The following IFTAP variants were observed in gnomAD, a reference collection of about 807,000 sequenced individuals.
The protein encoded by IFTAP is intraflagellar transport-associated protein.
IFTAP carries 19 observed loss-of-function variants against 19.4 expected under a neutral mutation model. The observed-to-expected ratio is 0.98, with a 90% CI of 0.68 to 1.44. IFTAP has a LOEUF of 1.44. Among genes scored for constraint, IFTAP ranks in the 40% most tolerant of loss-of-function variants. The pLI is 0.00. For synonymous variants in IFTAP, 85 were observed against 83.5 expected, an observed-to-expected ratio of 1.02 and a Z score of -0.10; for missense variants, 240 against 253.6, an observed-to-expected ratio of 0.95 and a Z score of 0.36.
chr11:36,598,532 T>C (rs573359944), intron 1 of IFTAP, among the ~76,000 whole-genome samples: 2 of 152,306 alleles, frequency 1.3e-5, no homozygotes, highest in African/African-American at 4.8e-5. Context: ...AATGAGAAAG[T>C]ATTTGTCCTG....
At chr11:36,632,720 T>C (rs1358805680) in intron 2 of IFTAP, among the ~76,000 whole-genome samples, 1 of 151,306 alleles carries the variant, frequency 6.6e-6, no homozygotes, top group Non-Finnish European at 1.5e-5. Context: ...TAAAATTACA[T>C]GGAATATTCA....
intron 4 of IFTAP, among the ~76,000 whole-genome samples, chr11:36,644,096 T>A (rs760355774): frequency 1.9e-4 from 29 of 152,228 alleles, no homozygotes; most frequent in Non-Finnish European, 3.2e-4. Context: ...TGCAATCTAC[T>A]CAACTGACAA....
intron 5 of IFTAP, among the ~76,000 whole-genome samples, chr11:36,653,998 C>A (rs1404611575): frequency 6.6e-6 from 1 of 152,046 alleles, no homozygotes. Context: ...CTTTCCTATC[C>A]TTAACAAAAT....
At position 36,633,317 on chromosome 11, in the gene IFTAP, C is replaced by A; in HGVS notation, c.170C>A (p.Thr57Asn). The A allele has an allele frequency of 1.3e-6, 2 of 1,597,724 alleles. No individual in the cohort carries two copies. Among genetic ancestry groups the A allele is most frequent in the Non-Finnish European group, 1.7e-6 (2 of 1,172,982 alleles). ...GTGTCCAAAAGGGGAGTGTTTGGAACTGATTCTTCAGAAAACATTTTTACC... is the reference window on the plus strand; with the variant it reads ...GTGTCCAAAAGGGGAGTGTTTGGAAATGATTCTTCAGAAAACATTTTTACC... ...DHVSKRGVFG[T>N]DSSENIFTSA... is the part of the protein sequence containing the mutation. The change falls in exon 3 of 6, where the codon ACT (threonine) becomes AAT (asparagine). Residue 57 changes from threonine (T) to asparagine (N), a missense_variant. Transcript: ENST00000334307.
intron 2 of IFTAP, among the ~76,000 whole-genome samples, chr11:36,631,582 A>C (rs780772290): frequency 6.6e-6 from 1 of 151,208 alleles, no homozygotes; most frequent in Non-Finnish European, 1.5e-5. Flanking sequence ...ATGCACTGAC[A>C]GGTCAAGAGA....
intron 2 of IFTAP, among the ~76,000 whole-genome samples, chr11:36,624,927 T>G (rs746934611): frequency 6.6e-6 from 1 of 152,190 alleles, no homozygotes; most frequent in Admixed American, 6.5e-5. Context: ...GTTGTTACTT[T>G]AGGTGTCTTT....
At chr11:36,632,171 G>A (rs1011138929) in intron 2 of IFTAP, among the ~76,000 whole-genome samples, 3 of 151,130 alleles carry the variant, frequency 2.0e-5, no homozygotes, top group South Asian at 4.1e-4. Context: ...GATAGTAACA[G>A]TGTCTACTTT....
At chr11:36,596,995 CT>C in intron 1 of IFTAP, among the ~76,000 whole-genome samples, 1 of 152,092 alleles carries the variant, frequency 6.6e-6, no homozygotes, top group East Asian at 1.9e-4. Flanking sequence ...TGATGCTCTG[CT>C]TTTGGCTCAT....
At chr11:36,637,885 C>CT (rs11322653) in intron 4 of IFTAP, among the ~76,000 whole-genome samples, 1,739 of 145,764 alleles carry the variant, frequency 0.012, 20 homozygotes, top group Non-Finnish European at 0.016. Flanking sequence ...TTATGTCAAT[C>CT]TTTTTTTTTT....
chr11:36,604,019 A>G lies in IFTAP; in HGVS notation c.-23-6062A>G, dbSNP rs185563811. On this transcript the variant is annotated intron_variant, in intron 1 of 5. Transcript: ENST00000334307. ...GGCATCCTTTGTGCTATCTTTGTTT[A>G]TAATCTGAACCCACATTTTAAAAAT... is the stretch of plus-strand genomic sequence containing the variant. Among the ~76,000 whole-genome samples, 103 of 152,096 alleles carry G rather than the reference A, an allele frequency of 6.8e-4. 3 individuals carry two copies. The South Asian group carries it at 0.012, about 18-fold the overall frequency.
At chr11:36,658,493 G>A (rs1854089398) in intron 5 of IFTAP, among the ~76,000 whole-genome samples, 1 of 152,088 alleles carries the variant, frequency 6.6e-6, no homozygotes, top group African/African-American at 2.4e-5. Flanking sequence ...TTTAAAATAT[G>A]TTTCAAGTTT....
intron 4 of IFTAP, among the ~76,000 whole-genome samples, chr11:36,639,267 T>A (rs76522701): frequency 3.3e-5 from 5 of 151,904 alleles, no homozygotes; most frequent in African/African-American, 7.3e-5. Flanking sequence ...TTTTTTTTTT[T>A]AATCTACTTC....
At chr11:36,649,147 G>A (rs1853605448) in intron 5 of IFTAP, among the ~76,000 whole-genome samples, 1 of 152,068 alleles carries the variant, frequency 6.6e-6, no homozygotes, top group African/African-American at 2.4e-5. Context: ...TTAATCATGA[G>A]GTACTAGTCT....
chr11:36,624,559 G>A (rs539599233), intron 2 of IFTAP, among the ~76,000 whole-genome samples: 2 of 152,248 alleles, frequency 1.3e-5, no homozygotes, highest in Non-Finnish European at 2.9e-5. Context: ...GTCATTTCAT[G>A]GAACAAAGCC....
chr11:36,605,759 G>A (rs1199069863), intron 1 of IFTAP, among the ~76,000 whole-genome samples: 1 of 152,100 alleles, frequency 6.6e-6, no homozygotes, highest in Non-Finnish European at 1.5e-5. Context: ...TGATTTACCA[G>A]CAGATATTTA....
rs1403908307 is a variant in IFTAP, at chr11:36,633,287, A to G, written c.140A>G (p.Asp47Gly). Residue 47 changes from aspartate to glycine, a missense_variant, in exon 3 of 6, where the codon GAT becomes GGT. Transcript: ENST00000334307. ...AGTGCATAACTTCTTATTTCAGAGG[A>G]TCATGTGTCCAAAAGGGGAGTGTTT... ...LNTFTHLSQE[D>G]HVSKRGVFGT... The G allele has an allele frequency of 1.3e-6, 2 of 1,541,478 alleles. No homozygotes were observed. Among genetic ancestry groups the G allele is most frequent in the Non-Finnish European group, 1.7e-6 (2 of 1,148,494 alleles).
chr11:36,633,515 T>A, intron 3 of IFTAP, 77 bp downstream of exon 3: 1 of 1,158,104 alleles, frequency 8.6e-7, no homozygotes, highest in Non-Finnish European at 1.2e-6. Flanking sequence ...AAAGAGACCC[T>A]ACTAAACACT....
chr11:36,633,664 C>G (rs1852815761), intron 3 of IFTAP, among the ~76,000 whole-genome samples: 1 of 152,020 alleles, frequency 6.6e-6, no homozygotes, highest in Admixed American at 6.6e-5. Context: ...AATTTTTGTT[C>G]AAAAGTTCTT....
At chr11:36,604,309 T>C (rs1050647000) in intron 1 of IFTAP, among the ~76,000 whole-genome samples, 1 of 152,180 alleles carries the variant, frequency 6.6e-6, no homozygotes. Context: ...TCAACTTTTT[T>C]GGTGATAATG....
Sources: gnomAD v4.1 joint callset for allele counts (sites outside exome capture counted in the v4.1 genomes callset) on GRCh38, gnomAD v4.1.1 for gene constraint, MANE v1.5 for transcripts, NCBI Gene and HGNC (gene_info 2026-07-23, HGNC 2026-07-21) for gene names.